KIF21A: variants seen among roughly 807,000 people sequenced by gnomAD.
The protein encoded by KIF21A is kinesin family member 21A.
In KIF21A, 114 loss-of-function variants were observed where a neutral mutation model predicts 202.9. The observed-to-expected ratio is 0.56, with a 90% CI of 0.48 to 0.66. The LOEUF is 0.66. Among genes scored for constraint, KIF21A ranks in the 30% least tolerant of loss-of-function variants. KIF21A has a pLI of 0.00. For missense variants in KIF21A, 1,677 were observed against 1,994.9 expected, an observed-to-expected ratio of 0.84 and a Z score of 3.04; for synonymous variants, 667 against 670.8, an observed-to-expected ratio of 0.99 and a Z score of 0.09.
intron 1 of KIF21A, among the ~76,000 whole-genome samples, chr12:39,435,414 C>A (rs1938544350): frequency 6.6e-6 from 1 of 152,136 alleles, no homozygotes; most frequent in South Asian, 2.1e-4. Flanking sequence ...TCTAAGACCC[C>A]AAATGGCAGA....
intron 9 of KIF21A, 41 bp downstream of exon 9, chr12:39,357,207 C>CCAGAAGTTAATCCCTCA (rs1948840390): frequency 6.4e-7 from 1 of 1,556,398 alleles, no homozygotes; most frequent in African/African-American, 1.4e-5. Flanking sequence ...TCCCTGCCCT[C>CCAGAAGTTAATCCCTCA]CAGAAGTTAA....
At chr12:39,314,935 TC>T (rs879370562) in intron 31 of KIF21A, among the ~76,000 whole-genome samples, 1 of 151,908 alleles carries the variant, frequency 6.6e-6, no homozygotes, top group Non-Finnish European at 1.5e-5. Context: ...TTTAAAATGT[TC>T]TTAAATATTC....
At chr12:39,404,642 C>A (rs1286513361) in intron 1 of KIF21A, among the ~76,000 whole-genome samples, 1 of 152,152 alleles carries the variant, frequency 6.6e-6, no homozygotes, top group Non-Finnish European at 1.5e-5. Context: ...CATCTACTTG[C>A]AATGTAATAC....
chr12:39,365,874 G>T (rs1949565331), intron 6 of KIF21A, among the ~76,000 whole-genome samples: 2 of 152,146 alleles, frequency 1.3e-5, no homozygotes, highest in Admixed American at 1.3e-4. Context: ...TCTGGGTGTG[G>T]TGGCACTCGC....
chr12:39,337,024 T>A, intron 17 of KIF21A, 72 bp downstream of exon 17: 1 of 984,414 alleles, frequency 1.0e-6, no homozygotes, highest in Non-Finnish European at 1.6e-6. Context: ...CCAGAAATTT[T>A]TCCTCCATTT....
intron 26 of KIF21A, 67 bp downstream of exon 26, chr12:39,325,772 T>G: frequency 9.4e-7 from 1 of 1,069,056 alleles, no homozygotes; most frequent in Non-Finnish European, 1.5e-6. Context: ...TCTGAACCTA[T>G]GTGTTAAATA....
At chr12:39,375,951 T>G (rs1166703592) in intron 1 of KIF21A, among the ~76,000 whole-genome samples, 1 of 152,116 alleles carries the variant, frequency 6.6e-6, no homozygotes, top group East Asian at 1.9e-4. Flanking sequence ...TACATAGCTA[T>G]AAAAGTGTTG....
At chr12:39,335,536 T>A (rs192817733) in intron 17 of KIF21A, among the ~76,000 whole-genome samples, 15 of 151,562 alleles carry the variant, frequency 9.9e-5, no homozygotes, top group Admixed American at 8.5e-4. Flanking sequence ...CAATGGTGAG[T>A]GACTACCAAT....
At chr12:39,428,032 A>G (rs955518580) in intron 1 of KIF21A, among the ~76,000 whole-genome samples, 2 of 152,224 alleles carry the variant, frequency 1.3e-5, no homozygotes, top group Non-Finnish European at 2.9e-5. Context: ...ATTCAAATAT[A>G]TAAGCCTCTG....
intron 1 of KIF21A, among the ~76,000 whole-genome samples, chr12:39,381,176 C>T (rs551352796): frequency 7.9e-5 from 12 of 151,750 alleles, no homozygotes; most frequent in East Asian, 3.9e-4. Context: ...GGCGTGGTGG[C>T]GGGCGCCTGT....
At chr12:39,310,423 G>A (rs910881064) in intron 32 of KIF21A, among the ~76,000 whole-genome samples, 9 of 151,908 alleles carry the variant, frequency 5.9e-5, no homozygotes, top group African/African-American at 2.2e-4. Flanking sequence ...CACAGACAAT[G>A]AGCAATAAAT....
At chr12:39,307,334 T>C (rs1444140440) in intron 34 of KIF21A, among the ~76,000 whole-genome samples, 1 of 152,084 alleles carries the variant, frequency 6.6e-6, no homozygotes, top group Non-Finnish European at 1.5e-5. Flanking sequence ...ATTTTATTTT[T>C]CCCCCATATA....
At chr12:39,421,724 T>TATAG (rs1555200431) in intron 1 of KIF21A, among the ~76,000 whole-genome samples, 1 of 73,368 alleles carries the variant, frequency 1.4e-5, no homozygotes, top group African/African-American at 6.8e-5. Flanking sequence ...ATATATAATT[T>TATAG]ATATATATAT....
intron 1 of KIF21A, among the ~76,000 whole-genome samples, chr12:39,421,787 T>C (rs1954300277): frequency 6.8e-6 from 1 of 146,950 alleles, no homozygotes; most frequent in Non-Finnish European, 1.5e-5. Flanking sequence ...AAATAAAATA[T>C]GTATAATTTT....
chr12:39,329,279 A>G (rs1454964734), intron 24 of KIF21A, among the ~76,000 whole-genome samples: 1 of 152,210 alleles, frequency 6.6e-6, no homozygotes, highest in African/African-American at 2.4e-5. Context: ...CCTTCAAGCT[A>G]TAGAAAATTG....
At chr12:39,379,326 T>TA (rs58672877) in intron 1 of KIF21A, among the ~76,000 whole-genome samples, 2,027 of 129,462 alleles carry the variant, frequency 0.016, 45 homozygotes, top group African/African-American at 0.038. Flanking sequence ...AGACTCTGTC[T>TA]AAAAAAAAAA....
At chr12:39,371,236 G>C (rs1245241027) in intron 1 of KIF21A, among the ~76,000 whole-genome samples, 1 of 152,118 alleles carries the variant, frequency 6.6e-6, no homozygotes. Flanking sequence ...ACTGTGTATA[G>C]AAAAGCAGAA....
intron 34 of KIF21A, among the ~76,000 whole-genome samples, chr12:39,305,359 C>A (rs1174746605): frequency 7.4e-6 from 1 of 134,900 alleles, no homozygotes; most frequent in African/African-American, 3.1e-5. Context: ...GAGCGAGAAT[C>A]CGACTCAAGA....
intron 28 of KIF21A, among the ~76,000 whole-genome samples, chr12:39,319,626 G>A (rs1187176746): frequency 1.3e-5 from 2 of 151,930 alleles, no homozygotes; most frequent in African/African-American, 4.8e-5. Flanking sequence ...CTTACCTCAA[G>A]TATATATTAA....
Sources: gnomAD v4.1 joint callset for allele counts (sites outside exome capture counted in the v4.1 genomes callset) on GRCh38, gnomAD v4.1.1 for gene constraint, MANE v1.5 for transcripts, NCBI Gene and HGNC (gene_info 2026-07-23, HGNC 2026-07-21) for gene names.